SUGP1: variants seen among roughly 807,000 people sequenced by gnomAD.
SUGP1 encodes SURP and G-patch domain containing 1.
SUGP1 carries 34 observed loss-of-function variants against 76.5 expected under a neutral mutation model. That is an observed-to-expected ratio of 0.44 (90% CI 0.34 to 0.59). The LOEUF is 0.59. Ranked by LOEUF, SUGP1 falls within the 20% of genes least tolerant of loss-of-function variation. The pLI, the probability that SUGP1 is intolerant of heterozygous loss-of-function variation, is 0.01. For missense variants in SUGP1, 752 were observed against 851.7 expected (o/e 0.88, Z 1.46); for synonymous variants, 326 against 326.2 (o/e 1.00, Z 0.01).
intron 8 of SUGP1, among the ~76,000 whole-genome samples, chr19:19,289,463 G>A (rs563193412): frequency 3.3e-5 from 5 of 151,828 alleles, no homozygotes; most frequent in Non-Finnish European, 7.4e-5. Context: ...TTAGCTGGGC[G>A]TGGGCTGGGC....
chr19:19,285,022 C>CT (rs1165211910), intron 8 of SUGP1, among the ~76,000 whole-genome samples: 14 of 148,926 alleles, frequency 9.4e-5, no homozygotes, highest in Non-Finnish European at 1.9e-4. Flanking sequence ...CGCCCGCCAC[C>CT]GTGCCTGGCT....
At chr19:19,277,424 C>T (rs2061061625) in intron 12 of SUGP1, among the ~76,000 whole-genome samples, 3 of 152,134 alleles carry the variant, frequency 2.0e-5, no homozygotes, top group South Asian at 4.1e-4. Flanking sequence ...AGTGGTTTCG[C>T]ACTCATGGGG....
chr19:19,318,652 ACTC>A (rs1319641169), intron 1 of SUGP1, among the ~76,000 whole-genome samples: 3 of 150,966 alleles, frequency 2.0e-5, no homozygotes, highest in African/African-American at 7.3e-5. Context: ...CTAATCTTGA[ACTC>A]CTGTCCTCAA....
intron 8 of SUGP1, among the ~76,000 whole-genome samples, chr19:19,281,712 G>A (rs946667070): frequency 6.6e-6 from 1 of 152,218 alleles, no homozygotes; most frequent in African/African-American, 2.4e-5. Context: ...GTGGAGTGAG[G>A]GGGTGATGTT....
At chr19:19,297,432 C>G (rs2061236650) in intron 7 of SUGP1, 88 bp from the exon 8 acceptor site, 164 of 1,077,374 alleles carry the variant, frequency 1.5e-4, no homozygotes, top group Non-Finnish European at 2.0e-4. Context: ...GCCTTGTGTG[C>G]CCACGTTGGC....
At chr19:19,290,509 T>C (rs1296413655) in intron 8 of SUGP1, among the ~76,000 whole-genome samples, 1 of 151,546 alleles carries the variant, frequency 6.6e-6, no homozygotes, top group African/African-American at 2.4e-5. Context: ...CCGGGCATGG[T>C]GGTGGGCACC....
At position 19,305,943 on chromosome 19, in the gene SUGP1, G is replaced by A. The variant is rs775713772; in HGVS notation, c.444C>T (p.His148=). The A allele has an allele frequency of 1.7e-5, 27 of 1,613,256 alleles. No individual in the cohort carries two copies. Among genetic ancestry groups the A allele is most frequent in the Admixed American group, 6.7e-5 (4 of 60,016 alleles). The change falls in exon 4 of 14, where the codon CAC becomes CAT. Residue 148 remains histidine (H), a synonymous_variant. Coordinates refer to ENST00000247001, the MANE Select transcript of SUGP1 (RefSeq NM_172231.4). ...GGTGCGCCACGGGCAGCTGCTTGGC[G>A]TGGGAGTAGCTCTTCACAGGGCCCG... is the stretch of plus-strand genomic sequence containing the variant. The part of the protein sequence containing the change: ...SLPGPVKSYS[H]AKQLPVAHRP...
intron 1 of SUGP1, among the ~76,000 whole-genome samples, chr19:19,317,191 A>G (rs2061400827): frequency 6.6e-6 from 1 of 152,180 alleles, no homozygotes; most frequent in South Asian, 2.1e-4. Flanking sequence ...CTGAAAACCA[A>G]AAAAGGGTGA....
intron 8 of SUGP1, chr19:19,281,487 C>CT (rs2061098321): frequency 1.3e-5 from 2 of 152,292 alleles, no homozygotes; most frequent in South Asian, 4.2e-4. Flanking sequence ...TCTCCTTGAC[C>CT]TAGAATCTCT....
At chr19:19,303,955 G>T in intron 4 of SUGP1, 108 bp from the exon 5 acceptor site, 1 of 1,599,722 alleles carries the variant, frequency 6.3e-7, no homozygotes, top group South Asian at 1.1e-5. Flanking sequence ...AGAAGAGTGT[G>T]AGATGCAGGA....
chr19:19,302,793 G>A (rs915784234), intron 6 of SUGP1, among the ~76,000 whole-genome samples: 2 of 152,096 alleles, frequency 1.3e-5, no homozygotes, highest in Non-Finnish European at 1.5e-5. Flanking sequence ...TGCAGCCTGC[G>A]CTTGGCCTGA....
chr19:19,304,018 C>T lies in SUGP1; in HGVS notation c.539-171G>A, dbSNP rs778993721. 3.8e-6 allele frequency: 6 copies of T among 1,586,422 alleles called. No homozygotes were observed. In the African/African-American group the frequency reaches 5.4e-5, roughly 14 times the overall value. ...CAAAACACCATGACGAGGGGGGAGTCGGTCTCACTGTCTTGGTGAGACACA... is the reference window on the plus strand; with the variant it reads ...CAAAACACCATGACGAGGGGGGAGTTGGTCTCACTGTCTTGGTGAGACACA... On this transcript the variant is annotated intron_variant, in intron 4 of 13. Coordinates refer to ENST00000247001, the MANE Select transcript of SUGP1 (RefSeq NM_172231.4).
intron 1 of SUGP1, among the ~76,000 whole-genome samples, chr19:19,318,257 A>G (rs2061410106): frequency 6.6e-6 from 1 of 151,296 alleles, no homozygotes. Context: ...ATCTGGGACT[A>G]CAGGCATCTG....
chr19:19,320,405 G>T (rs938232882), intron 1 of SUGP1, 58 bp downstream of exon 1: 9 of 1,584,434 alleles, frequency 5.7e-6, no homozygotes, highest in East Asian at 2.3e-5. Context: ...AGGAGTCAGG[G>T]GAGACACCTA....
Position 19,276,046 on chromosome 19 carries a change from C to CGGTGGT in SUGP1, c.*601_*602insACCACC. 6.5e-6 allele frequency: 1 copy of CGGTGGT among 153,582 alleles called. No homozygotes were observed. Among genetic ancestry groups the CGGTGGT allele is most frequent in the Non-Finnish European group, 1.5e-5 (1 of 68,918 alleles). 9.5% of individuals were successfully genotyped at this position (153,582 alleles called of 1,614,324 possible). A position where few individuals can be genotyped will look rare whatever the true frequency, so the allele number is the denominator to read the frequency against. ...CTTTAGCCCAGGTGTGGCCAAGTCT[C>CGGTGGT]CAGCTTTATTATTATTATTATTATT... On this transcript the variant is annotated 3_prime_UTR_variant, in exon 14 of 14. Transcript: ENST00000247001.
Position 19,297,974 on chromosome 19 carries a change from T to G in SUGP1, c.888-630A>C, listed in dbSNP as rs554332878. ...ACTGGCGCCTCTCGGACCGTACACA[T>G]CCCCAGTCCACAGGACTGTCTTTGG... On this transcript the variant is annotated intron_variant, in intron 7 of 13. Transcript: ENST00000247001. Among the ~76,000 whole-genome samples the G allele has an allele frequency of 7.2e-5, 11 of 152,164 alleles. No individual in the cohort carries two copies. The South Asian group carries it at 2.3e-3, about 32-fold the overall frequency.
At chr19:19,282,122 G>C (rs1050739221) in intron 8 of SUGP1, among the ~76,000 whole-genome samples, 41 of 152,136 alleles carry the variant, frequency 2.7e-4, no homozygotes, top group African/African-American at 9.7e-4. Context: ...TGGGACTACA[G>C]GCACGTGGCA....
intron 2 of SUGP1, among the ~76,000 whole-genome samples, chr19:19,315,537 A>G (rs1236455367): frequency 6.6e-6 from 1 of 152,174 alleles, no homozygotes; most frequent in African/African-American, 2.4e-5. Flanking sequence ...GGCAAGTGGA[A>G]ACCCTTGCTG....
At chr19:19,280,439 G>A (rs549598679) in intron 8 of SUGP1, 148 bp from the exon 9 acceptor site, 4 of 707,514 alleles carry the variant, frequency 5.7e-6, no homozygotes, top group East Asian at 2.7e-5. Flanking sequence ...CACGTGGTAC[G>A]TGACGGCCTC....
Sources: allele counts gnomAD v4.1 joint callset (sites outside exome capture counted in the v4.1 genomes callset), GRCh38; gene constraint gnomAD v4.1.1; transcripts MANE v1.5; gene names NCBI Gene and HGNC (gene_info 2026-07-23, HGNC 2026-07-21).